The following PTPRN2 variants were observed in gnomAD, a reference collection of about 807,000 sequenced individuals.
The protein encoded by PTPRN2 is protein tyrosine phosphatase receptor type N2.
PTPRN2 carries 74 observed loss-of-function variants against 118.8 expected under a neutral mutation model. The ratio of observed to expected loss-of-function variants is 0.62; its 90% CI spans 0.52 to 0.76. The LOEUF is 0.76. PTPRN2 is among the 30% of genes least tolerant of loss of function. The probability of loss-of-function intolerance (pLI) is 0.00; values close to 1 mark genes in which losing one functional copy is unlikely to be tolerated. For missense variants in PTPRN2, 1,481 were observed against 1,394.4 expected, an observed-to-expected ratio of 1.06 and a Z score of -0.99; for synonymous variants, 641 against 608.0, an observed-to-expected ratio of 1.05 and a Z score of -0.80.
intron 12 of PTPRN2, chr7:157,863,709 G>A (rs1478775521): frequency 6.6e-6 from 1 of 152,224 alleles, no homozygotes; most frequent in Non-Finnish European, 1.5e-5. Context: ...CTTTACAGAG[G>A]CGATGAAGGT....
At chr7:157,575,695 G>A (rs892033623) in intron 19 of PTPRN2, among the ~76,000 whole-genome samples, 3 of 152,128 alleles carry the variant, frequency 2.0e-5, no homozygotes, top group African/African-American at 7.2e-5. Context: ...TTACATAACT[G>A]TAGACTCGAG....
At chr7:158,043,439 T>A (rs567296944) in intron 11 of PTPRN2, among the ~76,000 whole-genome samples, 9 of 150,152 alleles carry the variant, frequency 6.0e-5, no homozygotes, top group Admixed American at 2.0e-4. Flanking sequence ...GACAGGAGGA[T>A]CAGGGATCAG....
At chr7:158,351,196 G>C (rs183246639) in intron 2 of PTPRN2, among the ~76,000 whole-genome samples, 2 of 152,142 alleles carry the variant, frequency 1.3e-5, no homozygotes, top group African/African-American at 4.8e-5. Context: ...GGAGGAACTC[G>C]TGCTACCACC....
intron 12 of PTPRN2, among the ~76,000 whole-genome samples, chr7:157,706,697 G>A (rs552192782): frequency 7.5e-4 from 113 of 151,664 alleles, no homozygotes; most frequent in African/African-American, 2.6e-3. Context: ...GGATAAAGGC[G>A]GATCACATCC....
At chr7:158,042,119 G>T (rs1715175479) in intron 11 of PTPRN2, among the ~76,000 whole-genome samples, 1 of 152,170 alleles carries the variant, frequency 6.6e-6, no homozygotes, top group Non-Finnish European at 1.5e-5. Flanking sequence ...CCTGTGAGGG[G>T]CCTCCATCTC....
intron 11 of PTPRN2, among the ~76,000 whole-genome samples, chr7:157,967,239 G>A (rs1282680805): frequency 1.3e-5 from 2 of 152,180 alleles, no homozygotes; most frequent in South Asian, 2.1e-4. Flanking sequence ...AAGCCTAGGA[G>A]GTCGAGGCTG....
chr7:157,816,185 C>A (rs1295393820), intron 12 of PTPRN2, among the ~76,000 whole-genome samples: 1 of 152,154 alleles, frequency 6.6e-6, no homozygotes, highest in Non-Finnish European at 1.5e-5. Flanking sequence ...CCTGCCGGCT[C>A]GCCTCCTGCC....
At chr7:158,268,491 C>T (rs1201656657) in intron 3 of PTPRN2, among the ~76,000 whole-genome samples, 2 of 146,360 alleles carry the variant, frequency 1.4e-5, no homozygotes, top group Non-Finnish European at 3.0e-5. Context: ...TGTGAAATAT[C>T]CCAGCCCAGC....
intron 21 of PTPRN2, among the ~76,000 whole-genome samples, chr7:157,556,953 CTCA>C (rs1334618084): frequency 1.3e-5 from 2 of 151,494 alleles, no homozygotes; most frequent in South Asian, 2.1e-4. Flanking sequence ...ACACCCTACG[CTCA>C]TGTCATATGC....
At chr7:158,334,664 C>G (rs867662879) in intron 2 of PTPRN2, among the ~76,000 whole-genome samples, 4 of 78,590 alleles carry the variant, frequency 5.1e-5, no homozygotes, top group Non-Finnish European at 5.5e-5. Flanking sequence ...TTGGTGACAC[C>G]TGCAGACGTC....
intron 13 of PTPRN2, among the ~76,000 whole-genome samples, chr7:157,656,911 TAC>T (rs1421238474): frequency 1.8e-4 from 20 of 111,394 alleles, no homozygotes; most frequent in South Asian, 1.8e-3. Context: ...ATCACACATA[TAC>T]ACACACACAC....
chr7:157,839,796 C>G (rs1036217818), intron 12 of PTPRN2, among the ~76,000 whole-genome samples: 2 of 149,020 alleles, frequency 1.3e-5, no homozygotes, highest in Non-Finnish European at 3.0e-5. Flanking sequence ...GCTGTGTGGC[C>G]ATATGTGACT....
intron 2 of PTPRN2, among the ~76,000 whole-genome samples, chr7:158,419,069 C>T (rs1047355169): frequency 6.6e-6 from 1 of 152,354 alleles, no homozygotes; most frequent in South Asian, 2.1e-4. Context: ...TGAGGTACAA[C>T]CTGGTATTGG....
In PTPRN2 at chr7:157,953,815, A is replaced by G. The variant is rs534383967; in HGVS notation, c.1724-55078T>C. On this transcript the variant is annotated intron_variant, in intron 11 of 22. Coordinates refer to ENST00000389418, the MANE Select transcript of PTPRN2 (RefSeq NM_002847.5). This position sits in a 1 kb window ranked among gnomAD's most constrained non-coding sequence, Gnocchi z 4.6. ...GAGGGTGAGGGCGACCGAGAAAGGA[A>G]TGAGGGCATAAGAGCGGTGCTGGAG... Among the ~76,000 whole-genome samples, 1 of 152,254 alleles carries G rather than the reference A, an allele frequency of 6.6e-6. No homozygotes were observed. Among genetic ancestry groups the G allele is most frequent in the East Asian group, 1.9e-4 (1 of 5,172 alleles).
intron 2 of PTPRN2, among the ~76,000 whole-genome samples, chr7:158,446,524 G>A (rs1258805935): frequency 2.0e-5 from 3 of 151,324 alleles, no homozygotes; most frequent in African/African-American, 7.3e-5. Flanking sequence ...CACCCCCAGC[G>A]GGCAGACCCC....
intron 2 of PTPRN2, among the ~76,000 whole-genome samples, chr7:158,323,912 G>A (rs114050690): frequency 0.012 from 1,883 of 152,128 alleles, 43 homozygotes; most frequent in African/African-American, 0.043. Context: ...TCCCATGCAC[G>A]GGACACTCAC....
At chr7:157,626,686 G>A (rs190004620) in intron 14 of PTPRN2, among the ~76,000 whole-genome samples, 1 of 152,304 alleles carries the variant, frequency 6.6e-6, no homozygotes, top group Admixed American at 6.5e-5. Flanking sequence ...CTGTGTTTCA[G>A]CTGCTCAGCA....
intron 6 of PTPRN2, among the ~76,000 whole-genome samples, chr7:158,157,644 C>A (rs1030327733): frequency 6.6e-5 from 10 of 152,384 alleles, no homozygotes; most frequent in African/African-American, 2.2e-4. Flanking sequence ...CGGCCGCTGC[C>A]ACCCCGCACT....
Position 158,270,806 on chromosome 7 carries a change from T to TCCACCTGGGCCGCCCCTC in PTPRN2, c.277+46012_277+46013insGAGGGGCGGCCCAGGTGG, listed in dbSNP as rs1197466438. ...CCACCCCTCCACCTGGACCACCCCC[T>TCCACCTGGGCCGCCCCTC]CACCTGGACCGCCCCCTCCACCTGG... On this transcript the variant is annotated intron_variant, in intron 3 of 22. Coordinates refer to ENST00000389418, the MANE Select transcript of PTPRN2 (RefSeq NM_002847.5). Among the ~76,000 whole-genome samples, 10 of 6,414 alleles carry TCCACCTGGGCCGCCCCTC rather than the reference T, an allele frequency of 1.6e-3. 1 individual carries two copies. In the East Asian group the frequency reaches 0.017, roughly 11 times the overall value. The allele number at this position is 6,414 out of a possible 152,430, so 4.2% of individuals were successfully genotyped here. A position where few individuals can be genotyped will look rare whatever the true frequency, so the allele number is the denominator to read the frequency against.
Sources: gnomAD v4.1 joint callset for allele counts (sites outside exome capture counted in the v4.1 genomes callset) on GRCh38, gnomAD v4.1.1 for gene constraint, Gnocchi (gnomAD v3.1) non-coding constraint, MANE v1.5 for transcripts, NCBI Gene and HGNC (gene_info 2026-07-23, HGNC 2026-07-21) for gene names.